The following AAK1 variants were observed in gnomAD, a reference collection of about 807,000 sequenced individuals.
AAK1 encodes the protein AP2-associated protein kinase 1.
In AAK1, 37 loss-of-function variants were observed where a neutral mutation model predicts 116.0. The ratio of observed to expected loss-of-function variants is 0.32; its 90% CI spans 0.25 to 0.42. The LOEUF (loss-of-function observed/expected upper bound fraction) is 0.42, where lower values mean the gene tolerates loss of function less well. Among genes scored for constraint, AAK1 ranks in the 10% least tolerant of loss-of-function variants. The probability of loss-of-function intolerance (pLI) is 1.00; values close to 1 mark genes in which losing one functional copy is unlikely to be tolerated. For missense variants in AAK1, 919 were observed against 1,170.6 expected (o/e 0.79, Z 3.14); for synonymous variants, 458 against 439.9 (o/e 1.04, Z -0.51).
At chr2:69,593,099 T>C (rs1158707478) in intron 2 of AAK1, among the ~76,000 whole-genome samples, 2 of 152,204 alleles carry the variant, frequency 1.3e-5, no homozygotes, top group African/African-American at 4.8e-5. Flanking sequence ...AAGAATATAG[T>C]GAAACAGAAG....
chr2:69,629,259 C>A (rs1309663661), intron 2 of AAK1, among the ~76,000 whole-genome samples: 1 of 152,224 alleles, frequency 6.6e-6, no homozygotes, highest in Non-Finnish European at 1.5e-5. Context: ...TAATTTACTG[C>A]AGGCCAATGC....
intron 2 of AAK1, among the ~76,000 whole-genome samples, chr2:69,558,403 C>A (rs1473695117): frequency 6.6e-6 from 1 of 151,838 alleles, no homozygotes; most frequent in African/African-American, 2.4e-5. Flanking sequence ...TTTGTTACAC[C>A]ACAGCATTCC....
Position 69,642,974 on chromosome 2 carries a change from C to T in AAK1, c.67G>A (p.Gly23Arg). The change falls in exon 2 of 22, where the codon GGA becomes AGA. Residue 23 changes from glycine to arginine, a missense_variant. This residue lies in a region of AAK1 where 317 missense variants were observed against 490.4 expected (regional missense o/e 0.65). Transcript: ENST00000409085. ...GSGLGSGSSG[G>R]GGSTSGLGSG... ...CCCAGGCCCGAGGTGCTGCCCCCTCCTCCGCTGGAGCCGGAGCCCAGGCCA... is the reference window on the plus strand; with the variant it reads ...CCCAGGCCCGAGGTGCTGCCCCCTCTTCCGCTGGAGCCGGAGCCCAGGCCA... 1.2e-6 allele frequency: 2 copies of T among 1,613,036 alleles called. No homozygotes were observed.
chr2:69,549,366 C>A (rs2105067950), intron 3 of AAK1, among the ~76,000 whole-genome samples: 1 of 152,214 alleles, frequency 6.6e-6, no homozygotes, highest in East Asian at 1.9e-4. Context: ...GAGACTCAGT[C>A]TCAAAAATAA....
chr2:69,537,169 C>T (rs6728827), intron 5 of AAK1, among the ~76,000 whole-genome samples: 4,547 of 152,246 alleles, frequency 0.03, 155 homozygotes, highest in African/African-American at 0.08. Context: ...TTCCCAGATC[C>T]ACAACACCAT....
rs1394940495 is a variant in AAK1, at chr2:69,465,612, C to T, written c.*10257G>A. On this transcript the variant is annotated 3_prime_UTR_variant, in exon 22 of 22. Coordinates refer to ENST00000409085, the MANE Select transcript of AAK1 (RefSeq NM_014911.5). The stretch of plus-strand genomic sequence containing the variant: ...TTCTGGACTTGGCTCGTCTTCTGGG[C>T]TATAGTGACGGGAATACTTGGATAA... The T allele has an allele frequency of 7.7e-7, 1 of 1,290,942 alleles. No homozygotes were observed. Among genetic ancestry groups the T allele is most frequent in the Admixed American group, 2.3e-5 (1 of 43,564 alleles). 80.0% of individuals were successfully genotyped at this position (1,290,942 alleles called of 1,614,324 possible).
chr2:69,507,287 C>T, intron 15 of AAK1, 134 bp downstream of exon 15: 1 of 1,071,874 alleles, frequency 9.3e-7, no homozygotes, highest in Non-Finnish European at 1.3e-6. Flanking sequence ...TGAAATCAAG[C>T]CTTATGCAAA....
At chr2:69,531,906 A>G (rs1374871626) in intron 6 of AAK1, 135 bp downstream of exon 6, 1 of 1,416,322 alleles carries the variant, frequency 7.1e-7, no homozygotes, top group Non-Finnish European at 9.6e-7. Context: ...ACCCAACTGT[A>G]AACATGATGC....
chr2:69,497,021 T>A (rs1675772217), intron 16 of AAK1, among the ~76,000 whole-genome samples: 1 of 152,202 alleles, frequency 6.6e-6, no homozygotes, highest in Admixed American at 6.5e-5. Flanking sequence ...CTTGACGTGG[T>A]CTCAGAATTT....
chr2:69,584,653 G>A (rs771182279), intron 2 of AAK1, among the ~76,000 whole-genome samples: 2 of 152,172 alleles, frequency 1.3e-5, no homozygotes, highest in Non-Finnish European at 2.9e-5. Flanking sequence ...GTCACATTTA[G>A]GTGTCAGGTC....
chr2:69,496,039 G>T lies in AAK1; in HGVS notation c.2311C>A (p.Pro771Thr), dbSNP rs1419117885. Reference protein sequence around the residue: ...KGGQTVDSGLPLLSVSDPFIP... With the variant: ...KGGQTVDSGLTLLSVSDPFIP... ...AAAGGATCAGACACGCTTAGAAGCG[G>T]GAGGCCAGAGTCCACAGTCTGCCCA... Residue 771 changes from proline (P) to threonine (T), a missense_variant, in exon 17 of 22, where the codon CCG becomes ACG. By Grantham distance (38) the Pro-to-Thr change is conservative. Around this residue, in one of 4 missense-constraint regions of AAK1, gnomAD observed 263 missense variants for 285.5 expected, o/e 0.92. Coordinates refer to ENST00000409085, the MANE Select transcript of AAK1 (RefSeq NM_014911.5). 21 of 1,555,434 alleles carry T rather than the reference G, an allele frequency of 1.4e-5. No individual in the cohort carries two copies. Among genetic ancestry groups the T allele is most frequent in the Non-Finnish European group, 1.7e-5 (20 of 1,149,160 alleles).
chr2:69,471,456 A>C lies in AAK1; in HGVS notation c.*4413T>G, dbSNP rs767037648. ...ATAAAATTATAGCCTTTAGAGAGGAATAAAGATAGCTTTGCAGTATCTGGA... is the reference window on the plus strand; with the variant it reads ...ATAAAATTATAGCCTTTAGAGAGGACTAAAGATAGCTTTGCAGTATCTGGA... On this transcript the variant is annotated 3_prime_UTR_variant, in exon 22 of 22. Transcript: ENST00000409085. The C allele has an allele frequency of 1.0e-5, 10 of 985,496 alleles. No homozygotes were observed. The highest frequency in any genetic ancestry group is 1.2e-5 in the Non-Finnish European group (10 of 829,938). 61.0% of individuals were successfully genotyped at this position (985,496 alleles called of 1,614,324 possible).
Position 69,542,681 on chromosome 2 carries a change from CAGGGCAA to C in AAK1, c.392-23_392-17del, listed in dbSNP as rs1291505635. Reference sequence around the variant, plus strand: ...ACCTGGCCACCTGAGGGGGTACGTACAGGGCAAAGGAGACGTTATAAACATTCGGACT... The same window carrying C: ...ACCTGGCCACCTGAGGGGGTACGTACAGGAGACGTTATAAACATTCGGACT... On this transcript the variant is annotated splice_polypyrimidine_tract_variant and intron_variant, in intron 4 of 21. Transcript: ENST00000409085. 6.2e-7 allele frequency: 1 copy of C among 1,612,784 alleles called. No homozygotes were observed. The highest frequency in any genetic ancestry group is 2.2e-5 in the East Asian group (1 of 44,886).
intron 17 of AAK1, among the ~76,000 whole-genome samples, chr2:69,488,085 T>C (rs952764925): frequency 7.2e-5 from 11 of 152,124 alleles, no homozygotes; most frequent in African/African-American, 1.9e-4. Flanking sequence ...AGTTTTGCAT[T>C]AGTTTTTAGG....
In AAK1 at chr2:69,518,995, C is replaced by T; in HGVS notation, c.1456G>A (p.Ala486Thr). ...QQPPPAQQQPAGTFYQQQQAQ... is the reference protein window; with the variant it reads ...QQPPPAQQQPTGTFYQQQQAQ... ...TGCTGCTGCTGGTAAAACGTGCCTG[C>T]CGGCTGCTGCTGTGCTGGCGGTGGC... Residue 486 changes from alanine (A) to threonine (T), a missense_variant, in exon 12 of 22, where the codon GCA becomes ACA. By Grantham distance (58) the Ala-to-Thr change is moderately conservative. Coordinates refer to ENST00000409085, the MANE Select transcript of AAK1 (RefSeq NM_014911.5). 6.5e-7 allele frequency: 1 copy of T among 1,549,764 alleles called. No individual in the cohort carries two copies. The highest frequency in any genetic ancestry group is 8.7e-7 in the Non-Finnish European group (1 of 1,146,684).
In AAK1 at chr2:69,467,739, C is replaced by T; in HGVS notation, c.*8130G>A. On this transcript the variant is annotated 3_prime_UTR_variant, in exon 22 of 22. Coordinates refer to ENST00000409085, the MANE Select transcript of AAK1 (RefSeq NM_014911.5). Reference sequence around the variant, plus strand: ...GCAGAAATTTCTGCCAAAAATTATCCCCTGCTAAAGTTTCTGCATGAATTA... The same window carrying T: ...GCAGAAATTTCTGCCAAAAATTATCTCCTGCTAAAGTTTCTGCATGAATTA... 1 of 985,388 alleles carries T rather than the reference C, an allele frequency of 1.0e-6. No homozygotes were observed. The highest frequency in any genetic ancestry group is 1.7e-5 in the African/African-American group (1 of 57,344). 61.0% of individuals were successfully genotyped at this position (985,388 alleles called of 1,614,324 possible).
intron 5 of AAK1, among the ~76,000 whole-genome samples, chr2:69,538,741 G>A (rs1039811708): frequency 6.6e-6 from 1 of 152,128 alleles, no homozygotes; most frequent in African/African-American, 2.4e-5. Flanking sequence ...AATTAGCCAC[G>A]CGTGGTGGCG....
rs1674277079 is a variant in AAK1, at chr2:69,458,971, C to A, written c.*16898G>T. 1 of 152,200 alleles carries A rather than the reference C, an allele frequency of 6.6e-6. No homozygotes were observed. The highest frequency in any genetic ancestry group is 2.4e-5 in the African/African-American group (1 of 41,418). The allele number at this position is 152,200 out of a possible 1,614,324, so 9.4% of individuals were successfully genotyped here. On this transcript the variant is annotated 3_prime_UTR_variant, in exon 22 of 22. Transcript: ENST00000409085. ...GGTAACACTAACTTGATTTCAAGAA[C>A]ATTGTCAAAACTGGGGTACACATCC...
intron 2 of AAK1, among the ~76,000 whole-genome samples, chr2:69,620,497 A>T (rs1315121897): frequency 6.6e-6 from 1 of 152,042 alleles, no homozygotes; most frequent in African/African-American, 2.4e-5. Flanking sequence ...TGGTGCTCCC[A>T]CTCACCAACT....
Sources: gnomAD v4.1 joint callset for allele counts (sites outside exome capture counted in the v4.1 genomes callset) on GRCh38, gnomAD v4.1.1 for gene constraint, gnomAD v4.1.1 regional missense constraint, MANE v1.5 for transcripts, NCBI Gene and HGNC (gene_info 2026-07-23, HGNC 2026-07-21) for gene names.